The following ISG20 variants were observed in gnomAD, a reference collection of about 807,000 sequenced individuals.
The protein encoded by ISG20 is interferon-stimulated gene 20 kDa protein.
ISG20 carries 8 observed loss-of-function variants against 11.1 expected under a neutral mutation model. The ratio of observed to expected loss-of-function variants is 0.72; its 90% CI spans 0.42 to 1.30. The LOEUF is 1.30. Ranked by LOEUF, ISG20 falls within the 50% of genes most tolerant of loss-of-function variation. The pLI, the probability that ISG20 is intolerant of heterozygous loss-of-function variation, is 0.01. For synonymous variants in ISG20, 110 were observed against 101.7 expected (o/e 1.08, Z -0.49); for missense variants, 243 against 250.2 (o/e 0.97, Z 0.19).
chr15:88,640,319 C>T (rs1237813726), intron 2 of ISG20, among the ~76,000 whole-genome samples: 1 of 152,174 alleles, frequency 6.6e-6, no homozygotes, highest in Non-Finnish European at 1.5e-5. Flanking sequence ...AGCACACACC[C>T]AATCCGTGCC....
At chr15:88,635,665 T>G (rs1317070660), upstream of ISG20, among the ~76,000 whole-genome samples, 1 of 152,236 alleles carries the variant, frequency 6.6e-6, no homozygotes, top group Non-Finnish European at 1.5e-5. Flanking sequence ...ACATTTCTCT[T>G]GACTGAGAAT....
At chr15:88,637,006 G>A (rs1420967736), upstream of ISG20, among the ~76,000 whole-genome samples, 1 of 152,244 alleles carries the variant, frequency 6.6e-6, no homozygotes, top group Non-Finnish European at 1.5e-5. Context: ...GAAAGAGCCA[G>A]TGTGGTTGGA....
At position 88,639,569 on chromosome 15, in the gene ISG20, C is replaced by T. The variant is rs11543036; in HGVS notation, c.203C>T (p.Thr68Ile). The T allele has an allele frequency of 1.9e-6, 3 of 1,614,168 alleles. No individual in the cohort carries two copies. In the East Asian group the frequency reaches 6.7e-5, roughly 36 times the overall value. Residue 68 changes from threonine (T) to isoleucine (I), a missense_variant, in exon 2 of 4, where the codon ACA becomes ATA. Transcript: ENST00000306072. This position sits in a 1 kb window ranked among gnomAD's most constrained non-coding sequence, Gnocchi z 4.2. ...GVTPQHMVGATPFAVARLEIL... is the reference protein window; with the variant it reads ...GVTPQHMVGAIPFAVARLEIL... ...ACCCCTCAGCACATGGTGGGGGCCA[C>T]ACCATTTGCCGTGGCCAGGCTAGAG... is the stretch of plus-strand genomic sequence containing the variant.
Position 88,639,674 on chromosome 15 carries a change from C to A in ISG20, c.228+80C>A, listed in dbSNP as rs1407808169. The A allele has an allele frequency of 5.9e-6, 6 of 1,018,796 alleles. No homozygotes were observed. The highest frequency in any genetic ancestry group is 4.8e-5 in the African/African-American group (3 of 62,776). 63.1% of individuals were successfully genotyped at this position (1,018,796 alleles called of 1,614,324 possible). On this transcript the variant is annotated intron_variant, in intron 2 of 3. Coordinates refer to ENST00000306072, the MANE Select transcript of ISG20 (RefSeq NM_002201.6). The surrounding 1 kb of genome is among the most constrained non-coding windows in gnomAD (Gnocchi z 4.2). The stretch of plus-strand genomic sequence containing the variant: ...CTGGCCCCTCTTCCCTGGTGCCCAT[C>A]TGTGACCTGTGACCCCACTTGTAAG...
At chr15:88,646,405 C>T (rs989225239) in intron 2 of ISG20, among the ~76,000 whole-genome samples, 6 of 152,196 alleles carry the variant, frequency 3.9e-5, no homozygotes, top group Non-Finnish European at 1.5e-5. Context: ...TGAGCTGGAG[C>T]TGTGGTGTTC....
intron 2 of ISG20, chr15:88,651,331 G>C: frequency 2.1e-6 from 2 of 967,424 alleles, no homozygotes; most frequent in Non-Finnish European, 2.5e-6. Flanking sequence ...CATCAACTTA[G>C]TGATTCACAG....
chr15:88,654,258 C>A (rs1167918183), intron 3 of ISG20, among the ~76,000 whole-genome samples: 1 of 152,152 alleles, frequency 6.6e-6, no homozygotes, highest in Non-Finnish European at 1.5e-5. Flanking sequence ...GTGACAGGGG[C>A]AGGTATGCAG....
In ISG20 at chr15:88,639,321, C is replaced by G. The variant is rs1198079020; in HGVS notation, c.-24-22C>G. The G allele has an allele frequency of 4.1e-6, 6 of 1,470,486 alleles. No individual in the cohort carries two copies. The highest frequency in any genetic ancestry group is 5.6e-6 in the Non-Finnish European group (6 of 1,076,480). 91.1% of individuals were successfully genotyped at this position (1,470,486 alleles called of 1,614,324 possible). A position where few individuals can be genotyped will look rare whatever the true frequency, so the allele number is the denominator to read the frequency against. On this transcript the variant is annotated intron_variant, in intron 1 of 3. Transcript: ENST00000306072. This position sits in a 1 kb window ranked among gnomAD's most constrained non-coding sequence, Gnocchi z 4.2. ...CTTGGTTTGCCCAAGCGTGAGACCGCCCCCCATACCCCTCTCTCCAGCATC... is the reference window on the plus strand; with the variant it reads ...CTTGGTTTGCCCAAGCGTGAGACCGGCCCCCATACCCCTCTCTCCAGCATC...
Position 88,639,377 on chromosome 15 carries a change from G to C in ISG20, c.11G>C (p.Ser4Thr). The C allele has an allele frequency of 6.2e-7, 1 of 1,612,344 alleles. No homozygotes were observed. Among genetic ancestry groups the C allele is most frequent in the South Asian group, 1.1e-5 (1 of 90,976 alleles). Reference protein sequence around the residue: MAGSREVVAMDCEM... With the variant: MAGTREVVAMDCEM... ...GGGTCCCCAAGGAACATGGCTGGGAGCCGTGAGGTGGTGGCCATGGACTGC... is the reference window on the plus strand; with the variant it reads ...GGGTCCCCAAGGAACATGGCTGGGACCCGTGAGGTGGTGGCCATGGACTGC... Residue 4 changes from serine to threonine, a missense_variant, in exon 2 of 4, where the codon AGC becomes ACC. Physicochemically the swap from Ser to Thr is moderately conservative, Grantham distance 58. Coordinates refer to ENST00000306072, the MANE Select transcript of ISG20 (RefSeq NM_002201.6). This position sits in a 1 kb window ranked among gnomAD's most constrained non-coding sequence, Gnocchi z 4.2.
In ISG20 at chr15:88,655,601, T is replaced by C; in HGVS notation, c.*70T>C. 9.4e-7 allele frequency: 1 copy of C among 1,060,470 alleles called. No homozygotes were observed. The highest frequency in any genetic ancestry group is 1.4e-6 in the Non-Finnish European group (1 of 710,476). The allele number at this position is 1,060,470 out of a possible 1,614,324, so 65.7% of individuals were successfully genotyped here. A position where few individuals can be genotyped will look rare whatever the true frequency, so the allele number is the denominator to read the frequency against. ...TTTGGGACAGCAACTACCTTGCTTT[T>C]GGAAAATACATTTTTAATAGTAAAG... On this transcript the variant is annotated 3_prime_UTR_variant, in exon 4 of 4. Transcript: ENST00000306072.
At chr15:88,636,554 CTT>C (rs1028187625), upstream of ISG20, among the ~76,000 whole-genome samples, 5 of 152,068 alleles carry the variant, frequency 3.3e-5, 1 homozygote, top group Non-Finnish European at 7.4e-5. Context: ...AGGAAGTAAA[CTT>C]TTAGTTTTTA....
chr15:88,650,366 G>A lies in ISG20; in HGVS notation c.229-1744G>A, dbSNP rs902503155. ...GGGGCTGGGGCAGTCACAGCTGGGCGCCTGGGCTGCTGGAGGCCTGGAGTG... is the reference window on the plus strand; with the variant it reads ...GGGGCTGGGGCAGTCACAGCTGGGCACCTGGGCTGCTGGAGGCCTGGAGTG... On this transcript the variant is annotated intron_variant, in intron 2 of 3. Transcript: ENST00000306072. The surrounding 1 kb of genome is among the most constrained non-coding windows in gnomAD (Gnocchi z 4.0). The A allele has an allele frequency of 2.9e-5, 44 of 1,532,996 alleles. No homozygotes were observed. The highest frequency in any genetic ancestry group is 3.5e-5 in the Non-Finnish European group (40 of 1,145,822). 95.0% of individuals were successfully genotyped at this position (1,532,996 alleles called of 1,614,324 possible). A position where few individuals can be genotyped will look rare whatever the true frequency, so the allele number is the denominator to read the frequency against.
chr15:88,651,214 G>C (rs930155021), intron 2 of ISG20: 7 of 985,268 alleles, frequency 7.1e-6, no homozygotes, highest in Admixed American at 6.2e-5. Context: ...ATCAGAGTAA[G>C]CCTGGGCATG....
chr15:88,639,564 G>T lies in ISG20; in HGVS notation c.198G>T (p.Gly66=), dbSNP rs764337407. 6.2e-7 allele frequency: 1 copy of T among 1,614,046 alleles called. No individual in the cohort carries two copies. The highest frequency in any genetic ancestry group is 8.5e-7 in the Non-Finnish European group (1 of 1,180,036). Residue 66 remains glycine (G), a synonymous_variant, in exon 2 of 4, where the codon GGG becomes GGT. Coordinates refer to ENST00000306072, the MANE Select transcript of ISG20 (RefSeq NM_002201.6). The surrounding 1 kb of genome is among the most constrained non-coding windows in gnomAD (Gnocchi z 4.2). ...GGGTCACCCCTCAGCACATGGTGGG[G>T]GCCACACCATTTGCCGTGGCCAGGC... is the stretch of plus-strand genomic sequence containing the variant. ...VSGVTPQHMV[G]ATPFAVARLE...
At position 88,652,085 on chromosome 15, in the gene ISG20, G is replaced by C. The variant is rs769800037; in HGVS notation, c.229-25G>C. On this transcript the variant is annotated intron_variant, in intron 2 of 3. Transcript: ENST00000306072. ...CCCAGAAGATGCTGGGTCATGTAGG[G>C]GTGGGCACATGTCTTCCTGGCCAGA... The C allele has an allele frequency of 6.8e-6, 11 of 1,613,766 alleles. No homozygotes were observed. In the East Asian group the frequency reaches 2.5e-4, roughly 36 times the overall value.
At chr15:88,637,750 G>A (rs923595157), upstream of ISG20, among the ~76,000 whole-genome samples, 2 of 152,076 alleles carry the variant, frequency 1.3e-5, no homozygotes, top group Non-Finnish European at 2.9e-5. Context: ...GGTCCTATGG[G>A]GATTGTAGAA....
chr15:88,652,122 C>T lies in ISG20; in HGVS notation c.241C>T (p.Leu81=). 1 of 1,614,088 alleles carries T rather than the reference C, an allele frequency of 6.2e-7. No individual in the cohort carries two copies. Among genetic ancestry groups the T allele is most frequent in the South Asian group, 1.1e-5 (1 of 91,082 alleles). Residue 81 remains leucine, a synonymous_variant, in exon 3 of 4, where the codon CTG becomes TTG. Coordinates refer to ENST00000306072, the MANE Select transcript of ISG20 (RefSeq NM_002201.6). ...TCTTCCTGGCCAGATCCTGCAGCTCCTGAAAGGCAAGCTGGTGGTGGGTCA... is the reference window on the plus strand; with the variant it reads ...TCTTCCTGGCCAGATCCTGCAGCTCTTGAAAGGCAAGCTGGTGGTGGGTCA... ...AVARLEILQL[L]KGKLVVGHDL...
intron 2 of ISG20, chr15:88,648,840 A>G (rs997035068): frequency 1.3e-5 from 2 of 152,140 alleles, no homozygotes; most frequent in African/African-American, 4.8e-5. Context: ...TAAATGTCCC[A>G]TCCCCCAGCC....
chr15:88,654,408 G>A (rs1335521549), intron 3 of ISG20, among the ~76,000 whole-genome samples: 1 of 152,158 alleles, frequency 6.6e-6, no homozygotes, highest in Non-Finnish European at 1.5e-5. Context: ...TTTTTGAGCT[G>A]GGCCGTCTAA....
Sources: gnomAD v4.1 joint callset for allele counts (sites outside exome capture counted in the v4.1 genomes callset) on GRCh38, gnomAD v4.1.1 for gene constraint, Gnocchi (gnomAD v3.1) non-coding constraint, MANE v1.5 for transcripts, NCBI Gene and HGNC (gene_info 2026-07-23, HGNC 2026-07-21) for gene names.